The following GALNT14 variants were observed in gnomAD, a reference collection of about 807,000 sequenced individuals.
The protein encoded by GALNT14 is polypeptide N-acetylgalactosaminyltransferase 14, also known as UDP-GalNAc:polypeptide N-acetylgalactosaminyltransferase 14.
In GALNT14, 60 loss-of-function variants were observed where a neutral mutation model predicts 77.5. That is an observed-to-expected ratio of 0.77 (90% CI 0.63 to 0.96). The LOEUF is 0.96. Among genes scored for constraint, GALNT14 ranks in the 40% least tolerant of loss-of-function variants. The pLI, the probability that GALNT14 is intolerant of heterozygous loss-of-function variation, is 0.00. For synonymous variants in GALNT14, 280 were observed against 281.7 expected (o/e 0.99, Z 0.06); for missense variants, 710 against 731.0 (o/e 0.97, Z 0.33).
At chr2:31,059,584 G>A (rs1207027510) in intron 1 of GALNT14, among the ~76,000 whole-genome samples, 1 of 152,162 alleles carries the variant, frequency 6.6e-6, no homozygotes, top group Non-Finnish European at 1.5e-5. Context: ...CACATGCCTT[G>A]AGTCCCAGCT....
intron 2 of GALNT14, among the ~76,000 whole-genome samples, chr2:30,975,450 GC>G (rs1241171607): frequency 5.3e-5 from 8 of 152,264 alleles, no homozygotes; most frequent in African/African-American, 1.9e-4. Context: ...TGTAAAATAT[GC>G]CCAAGATGTC....
At chr2:31,027,769 C>T (rs115448399) in intron 1 of GALNT14, among the ~76,000 whole-genome samples, 2 of 152,190 alleles carry the variant, frequency 1.3e-5, no homozygotes, top group African/African-American at 4.8e-5. Flanking sequence ...ACATCCACTA[C>T]AGTGTACTCA....
At chr2:31,120,835 C>A (rs1040022160) in intron 1 of GALNT14, among the ~76,000 whole-genome samples, 1 of 152,156 alleles carries the variant, frequency 6.6e-6, no homozygotes, top group African/African-American at 2.4e-5. Context: ...GGATTACAGG[C>A]GTGAGCCACC....
At chr2:31,020,738 C>T (rs976357472) in intron 1 of GALNT14, among the ~76,000 whole-genome samples, 10 of 152,146 alleles carry the variant, frequency 6.6e-5, no homozygotes, top group African/African-American at 1.9e-4. Flanking sequence ...ACATATCATA[C>T]GGCTTACAGA....
Position 31,003,925 on chromosome 2 carries a change from C to T in GALNT14, c.130-10918G>A, listed in dbSNP as rs1344454519. On this transcript the variant is annotated intron_variant, in intron 1 of 14. Transcript: ENST00000349752. Reference sequence around the variant, plus strand: ...GGGAAGCGGGCCTGGCTCCCAGGCACGTGCCAGGAAGCGTGAGCTCTAATG... The same window carrying T: ...GGGAAGCGGGCCTGGCTCCCAGGCATGTGCCAGGAAGCGTGAGCTCTAATG... Among the ~76,000 whole-genome samples the T allele has an allele frequency of 2.6e-5, 4 of 152,212 alleles. No individual in the cohort carries two copies. The East Asian group carries it at 5.8e-4, about 22-fold the overall frequency.
rs554363174 is a variant in GALNT14 at position 31,047,843 on chromosome 2, G to A, written c.130-54836C>T. On this transcript the variant is annotated intron_variant, in intron 1 of 14. Coordinates refer to ENST00000349752, the MANE Select transcript of GALNT14 (RefSeq NM_024572.4). ...TATGCCTAAAGGGACAGGCTGGGAT[G>A]GAGTCTTCTTCCCAGCCACAACCAC... Among the ~76,000 whole-genome samples the A allele has an allele frequency of 6.6e-5, 10 of 152,344 alleles. No homozygotes were observed. The South Asian group carries it at 1.5e-3, about 22-fold the overall frequency.
intron 1 of GALNT14, among the ~76,000 whole-genome samples, chr2:31,133,708 C>A (rs1470425782): frequency 1.3e-5 from 2 of 152,144 alleles, no homozygotes; most frequent in Admixed American, 1.3e-4. Context: ...AAATGGCAAA[C>A]AAATGATAGG....
chr2:31,119,528 G>T (rs1215414983), intron 1 of GALNT14, among the ~76,000 whole-genome samples: 3 of 152,160 alleles, frequency 2.0e-5, no homozygotes, highest in African/African-American at 4.8e-5. Context: ...TACTCTTTAG[G>T]TTGGCAAAAC....
intron 1 of GALNT14, among the ~76,000 whole-genome samples, chr2:31,013,634 A>G (rs1671172973): frequency 1.3e-5 from 2 of 152,146 alleles, no homozygotes; most frequent in South Asian, 2.1e-4. Context: ...GGATGACAGC[A>G]CCTATGAGCC....
chr2:30,905,038 A>G, the GALNT14 span, among the ~76,000 whole-genome samples: 2 of 152,232 alleles, frequency 1.3e-5, no homozygotes, highest in African/African-American at 4.8e-5. Flanking sequence ...CAGAAAGGAC[A>G]TCCACACCAA....
the GALNT14 span, among the ~76,000 whole-genome samples, chr2:30,904,560 A>G: frequency 1.3e-5 from 2 of 152,240 alleles, no homozygotes; most frequent in Non-Finnish European, 2.9e-5. Context: ...GGAGGGTCCT[A>G]TGCCCACGGA....
intron 1 of GALNT14, among the ~76,000 whole-genome samples, chr2:31,066,259 A>C (rs1674955276): frequency 6.6e-6 from 1 of 152,092 alleles, no homozygotes; most frequent in Admixed American, 6.5e-5. Flanking sequence ...GGGCATTACC[A>C]TTAAGGGAGA....
intron 2 of GALNT14, among the ~76,000 whole-genome samples, chr2:30,989,579 TATAAAA>T (rs1319575437): frequency 1.7e-4 from 22 of 127,194 alleles, no homozygotes; most frequent in African/African-American, 7.7e-4. Flanking sequence ...TATATATATA[TATAAAA>T]ATATATATAT....
chr2:30,887,891 G>A, the GALNT14 span, among the ~76,000 whole-genome samples: 2 of 152,158 alleles, frequency 1.3e-5, no homozygotes, highest in Non-Finnish European at 2.9e-5. Flanking sequence ...TTTATAGTGT[G>A]AGGTAGGGTT....
chr2:31,063,547 C>A (rs567921066), intron 1 of GALNT14, among the ~76,000 whole-genome samples: 1 of 152,194 alleles, frequency 6.6e-6, no homozygotes, highest in Admixed American at 6.5e-5. Context: ...ATATGGGCTC[C>A]TTTTTGGTTC....
At chr2:30,960,769 C>T (rs1046972969) in intron 3 of GALNT14, among the ~76,000 whole-genome samples, 3 of 152,118 alleles carry the variant, frequency 2.0e-5, no homozygotes, top group African/African-American at 4.8e-5. Context: ...GGAATGGTTG[C>T]TCAGGTCTCC....
At chr2:31,074,964 T>C (rs920904666) in intron 1 of GALNT14, among the ~76,000 whole-genome samples, 1 of 152,102 alleles carries the variant, frequency 6.6e-6, no homozygotes, top group Non-Finnish European at 1.5e-5. Flanking sequence ...GGGATATTTG[T>C]CCCCTCCAAA....
chr2:30,924,022 T>C, intron 13 of GALNT14, 97 bp downstream of exon 13: 1 of 1,344,324 alleles, frequency 7.4e-7, no homozygotes, highest in South Asian at 1.2e-5. Flanking sequence ...TAAATGGGCA[T>C]CTGATGTCAT....
In GALNT14 at chr2:30,946,482, T is replaced by C. The variant is rs1409840657; in HGVS notation, c.655-612A>G. ...CCCCACTCATTTGCTCTGTTGCTCC[T>C]GCTCTGGCCATGTGACCAGCCTGCT... On this transcript the variant is annotated intron_variant, in intron 6 of 14. Transcript: ENST00000349752. 2.0e-5 allele frequency among the ~76,000 whole-genome samples: 3 copies of C among 152,334 alleles called. 1 individual carries two copies. Among genetic ancestry groups the C allele is most frequent in the East Asian group, 1.9e-4 (1 of 5,176 alleles).
Sources: allele counts gnomAD v4.1 joint callset (sites outside exome capture counted in the v4.1 genomes callset), GRCh38; gene constraint gnomAD v4.1.1; transcripts MANE v1.5; gene names NCBI Gene and HGNC (gene_info 2026-07-23, HGNC 2026-07-21).